Variants in CBLB observed in about 807,000 individuals in gnomAD.
CBLB encodes E3 ubiquitin-protein ligase CBL-B.
Under a neutral mutation model 104.9 loss-of-function variants are expected in CBLB, and 31 were observed. That is an observed-to-expected ratio of 0.30 (90% CI 0.22 to 0.40). CBLB has a LOEUF of 0.40. Ranked by LOEUF, CBLB falls within the 10% of genes least tolerant of loss-of-function variation. The pLI, the probability that CBLB is intolerant of heterozygous loss-of-function variation, is 1.00. For synonymous variants in CBLB, 440 were observed against 422.6 expected (o/e 1.04, Z -0.51); for missense variants, 1,062 against 1,214.6 (o/e 0.87, Z 1.87).
At chr3:105,732,737 G>GT (rs1206490692) in intron 9 of CBLB, among the ~76,000 whole-genome samples, 2 of 152,088 alleles carry the variant, frequency 1.3e-5, no homozygotes, top group Non-Finnish European at 2.9e-5. Flanking sequence ...GCCCCTCTGA[G>GT]TCTGTCAGCC....
At chr3:105,784,553 C>T (rs2080726625) in intron 3 of CBLB, among the ~76,000 whole-genome samples, 1 of 152,136 alleles carries the variant, frequency 6.6e-6, no homozygotes, top group African/African-American at 2.4e-5. Flanking sequence ...TTATTATTTG[C>T]TATTCCCAGT....
chr3:105,846,782 A>G (rs954827024), intron 3 of CBLB, among the ~76,000 whole-genome samples: 1 of 152,108 alleles, frequency 6.6e-6, no homozygotes, highest in African/African-American at 2.4e-5. Flanking sequence ...TAATTGATGT[A>G]GCATTATAAA....
chr3:105,833,262 G>A (rs1188798241), intron 3 of CBLB, among the ~76,000 whole-genome samples: 1 of 152,130 alleles, frequency 6.6e-6, no homozygotes, highest in African/African-American at 2.4e-5. Context: ...GAATGAATTT[G>A]AAGACTAGCA....
intron 17 of CBLB, chr3:105,673,236 A>T (rs1369520651): frequency 6.6e-6 from 1 of 151,946 alleles, no homozygotes; most frequent in African/African-American, 2.4e-5. Flanking sequence ...CACCCGGCTA[A>T]TTTTTGTATT....
At chr3:105,730,435 A>G (rs2074190751) in intron 9 of CBLB, among the ~76,000 whole-genome samples, 2 of 152,100 alleles carry the variant, frequency 1.3e-5, no homozygotes, top group Admixed American at 1.3e-4. Flanking sequence ...CTGTCTTTTT[A>G]TTTAATGTAC....
At chr3:105,705,832 G>A (rs1257685397) in intron 10 of CBLB, among the ~76,000 whole-genome samples, 11 of 152,158 alleles carry the variant, frequency 7.2e-5, no homozygotes, top group Non-Finnish European at 2.9e-5. Flanking sequence ...CCTTTGTAAA[G>A]ACTTTTTAAA....
chr3:105,774,061 G>C (rs868046805), intron 4 of CBLB, among the ~76,000 whole-genome samples: 31 of 152,216 alleles, frequency 2.0e-4, no homozygotes, highest in Non-Finnish European at 7.3e-5. Flanking sequence ...TAAGAAGTAG[G>C]ACCTTCAAGA....
chr3:105,805,944 A>G (rs1003133871), intron 3 of CBLB, among the ~76,000 whole-genome samples: 1 of 152,144 alleles, frequency 6.6e-6, no homozygotes, highest in South Asian at 2.1e-4. Context: ...GAAAAAAAAA[A>G]AAAACAGAAA....
intron 17 of CBLB, chr3:105,673,708 C>T (rs938323139): frequency 6.6e-6 from 1 of 152,208 alleles, no homozygotes; most frequent in Non-Finnish European, 1.5e-5. Flanking sequence ...ACTCACTACA[C>T]TCAAGGTAGA....
rs1035704013 is a variant in CBLB, at chr3:105,758,463, T to G, written c.567-6845A>C. 2.0e-5 allele frequency among the ~76,000 whole-genome samples: 3 copies of G among 151,666 alleles called. No individual in the cohort carries two copies. In the South Asian group the frequency reaches 6.4e-4, roughly 32 times the overall value. ...CTGTCGCTTATTGTTTGTGTGTCAC[T>G]TTTCCAGCCAGAAACCTCTGTGATT... On this transcript the variant is annotated intron_variant, in intron 4 of 18. Transcript: ENST00000394030.
chr3:105,719,949 TA>T (rs1467294910), intron 10 of CBLB, 97 bp downstream of exon 10: 19 of 942,284 alleles, frequency 2.0e-5, no homozygotes, highest in Non-Finnish European at 2.9e-5. Context: ...GCCTCTTTTC[TA>T]AACTCAAATA....
intron 4 of CBLB, among the ~76,000 whole-genome samples, chr3:105,766,147 A>C (rs1031424962): frequency 3.3e-5 from 5 of 152,200 alleles, no homozygotes; most frequent in African/African-American, 9.7e-5. Flanking sequence ...AGAATTTGCT[A>C]GAGAACTAGA....
chr3:105,678,912 T>C (rs759041529), intron 16 of CBLB, among the ~76,000 whole-genome samples: 1 of 152,196 alleles, frequency 6.6e-6, no homozygotes, highest in Non-Finnish European at 1.5e-5. Context: ...GAGTTTGAAC[T>C]AAAAATTATT....
intron 10 of CBLB, among the ~76,000 whole-genome samples, chr3:105,705,432 C>A (rs530260362): frequency 6.6e-6 from 1 of 152,150 alleles, no homozygotes; most frequent in Non-Finnish European, 1.5e-5. Flanking sequence ...TTTATTATTA[C>A]GTCTCCCTAC....
At chr3:105,704,272 C>G (rs541605979) in intron 10 of CBLB, 99 bp from the exon 11 acceptor site, 1 of 1,107,454 alleles carries the variant, frequency 9.0e-7, no homozygotes, top group Admixed American at 1.8e-5. Context: ...TTTCTGGCAC[C>G]ATACATTTGT....
At chr3:105,846,446 A>G (rs2090267218) in intron 3 of CBLB, among the ~76,000 whole-genome samples, 1 of 152,148 alleles carries the variant, frequency 6.6e-6, no homozygotes, top group South Asian at 2.1e-4. Flanking sequence ...ATAATAACAA[A>G]AACAATATTT....
intron 4 of CBLB, among the ~76,000 whole-genome samples, chr3:105,751,948 G>T (rs1190528825): frequency 6.6e-6 from 1 of 152,150 alleles, no homozygotes; most frequent in Non-Finnish European, 1.5e-5. Context: ...TGTATACAAG[G>T]TTATTTAATA....
chr3:105,729,772 C>T (rs1316188864), intron 9 of CBLB, among the ~76,000 whole-genome samples: 3 of 152,056 alleles, frequency 2.0e-5, no homozygotes, highest in Non-Finnish European at 4.4e-5. Flanking sequence ...TTCAGCATAT[C>T]TAATGTTTTA....
At chr3:105,766,693 A>G (rs1475336118) in intron 4 of CBLB, among the ~76,000 whole-genome samples, 3 of 152,194 alleles carry the variant, frequency 2.0e-5, no homozygotes, top group Non-Finnish European at 4.4e-5. Flanking sequence ...CACCTAACAG[A>G]CTACAGTATA....
Sources: gnomAD v4.1 joint callset for allele counts (sites outside exome capture counted in the v4.1 genomes callset) on GRCh38, gnomAD v4.1.1 for gene constraint, MANE v1.5 for transcripts, NCBI Gene and HGNC (gene_info 2026-07-23, HGNC 2026-07-21) for gene names.